SMAD4: variants seen among roughly 807,000 people sequenced by gnomAD.
SMAD4 encodes the protein MAD homolog 4.
SMAD4 carries 7 observed loss-of-function variants against 63.2 expected under a neutral mutation model. That is an observed-to-expected ratio of 0.11 (90% confidence interval 0.06 to 0.21). SMAD4 has a LOEUF of 0.21. SMAD4 is among the 10% of genes least tolerant of loss of function. The pLI is 1.00. For missense variants in SMAD4, 312 were observed against 693.8 expected, an observed-to-expected ratio of 0.45 and a Z score of 6.18; for synonymous variants, 215 against 235.4, an observed-to-expected ratio of 0.91 and a Z score of 0.79.
intron 5 of SMAD4, among the ~76,000 whole-genome samples, chr18:51,057,859 G>A (rs1172756370): frequency 1.3e-5 from 2 of 152,144 alleles, no homozygotes. Context: ...GTGTTTTGCT[G>A]GCATTTGAAA....
At chr18:51,047,610 C>CTT (rs752138841) in intron 2 of SMAD4, among the ~76,000 whole-genome samples, 7 of 143,682 alleles carry the variant, frequency 4.9e-5, no homozygotes, top group South Asian at 2.2e-4. Flanking sequence ...CTGTTGTTTT[C>CTT]TTTTTTTTTT....
chr18:51,068,556 A>G (rs1568209177), intron 10 of SMAD4, among the ~76,000 whole-genome samples: 1 of 152,230 alleles, frequency 6.6e-6, no homozygotes, highest in Non-Finnish European at 1.5e-5. Flanking sequence ...TGTTAGAACA[A>G]TAGAATAAAG....
Position 51,079,078 on chromosome 18 carries a change from A to G in SMAD4, c.*611A>G. On this transcript the variant is annotated 3_prime_UTR_variant, in exon 12 of 12. Coordinates refer to ENST00000342988, the MANE Select transcript of SMAD4 (RefSeq NM_005359.6). Reference sequence around the variant, plus strand: ...TCAATTCAGATTGTCTTGCAACTTCAGTTTTATTTTTGCCAAGGCAAAAAA... The same window carrying G: ...TCAATTCAGATTGTCTTGCAACTTCGGTTTTATTTTTGCCAAGGCAAAAAA... The G allele has an allele frequency of 4.3e-6, 1 of 233,156 alleles. No individual in the cohort carries two copies. The highest frequency in any genetic ancestry group is 8.5e-6 in the Non-Finnish European group (1 of 117,916). The allele number at this position is 233,156 out of a possible 1,614,324, so 14.4% of individuals were successfully genotyped here.
chr18:51,036,241 G>A (rs567998967), intron 1 of SMAD4, among the ~76,000 whole-genome samples: 2 of 152,076 alleles, frequency 1.3e-5, no homozygotes, highest in African/African-American at 4.8e-5. Flanking sequence ...GAATGCTACC[G>A]AATATATATT....
chr18:51,083,737 G>C lies in SMAD4; in HGVS notation c.*5270G>C, dbSNP rs560631263. 8.7e-6 allele frequency: 2 copies of C among 229,488 alleles called. No homozygotes were observed. The highest frequency in any genetic ancestry group is 1.2e-4 in the East Asian group (2 of 16,166). The allele number at this position is 229,488 out of a possible 1,614,324, so 14.2% of individuals were successfully genotyped here. On this transcript the variant is annotated 3_prime_UTR_variant, in exon 12 of 12. Transcript: ENST00000342988. The stretch of plus-strand genomic sequence containing the variant: ...GTTGCCTCATCTGTAAAATGAGGGA[G>C]TTGGAGTAGATTAATTATTCCAGCT...
intron 1 of SMAD4, among the ~76,000 whole-genome samples, chr18:51,034,530 C>T (rs1395958217): frequency 6.6e-6 from 1 of 152,144 alleles, no homozygotes; most frequent in Non-Finnish European, 1.5e-5. Context: ...GGATTATAGG[C>T]ATGAGCCACC....
At chr18:51,036,558 T>A (rs530753181) in intron 1 of SMAD4, among the ~76,000 whole-genome samples, 1 of 152,330 alleles carries the variant, frequency 6.6e-6, no homozygotes, top group Non-Finnish European at 1.5e-5. Flanking sequence ...GAAGGAAGAA[T>A]GTGTATAGAT....
intron 1 of SMAD4, among the ~76,000 whole-genome samples, chr18:51,046,093 G>A (rs776080945): frequency 1.3e-5 from 2 of 152,146 alleles, no homozygotes; most frequent in Middle Eastern, 3.2e-3. Flanking sequence ...ACAGGTTTGT[G>A]TGGACATGGG....
rs753677989 is a variant in SMAD4 at position 51,049,343 on chromosome 18, A to C, written c.454+19A>C. ...AGTAATGGTAGGTAATCTGTTTCTT[A>C]CTACTTTCTCTTTGTTTTGTCCTAT... On this transcript the variant is annotated intron_variant, in intron 4 of 11. Coordinates refer to ENST00000342988, the MANE Select transcript of SMAD4 (RefSeq NM_005359.6). 6.3e-7 allele frequency: 1 copy of C among 1,583,338 alleles called. No homozygotes were observed. Among genetic ancestry groups the C allele is most frequent in the South Asian group, 1.1e-5 (1 of 90,416 alleles).
At position 51,051,271 on chromosome 18, in the gene SMAD4, G is replaced by A. The variant is rs901763032; in HGVS notation, c.454+1947G>A. ...TGTACGGGTTGATAGCCTTTCTATA[G>A]TGACTGTAGGGCTGTATTCAGCCTT... On this transcript the variant is annotated intron_variant, in intron 4 of 11. Transcript: ENST00000342988. 6.4e-5 allele frequency: 27 copies of A among 421,698 alleles called. 1 individual carries two copies. In the Admixed American group the frequency reaches 6.7e-4, roughly 10 times the overall value. 26.1% of individuals were successfully genotyped at this position (421,698 alleles called of 1,614,324 possible).
At chr18:51,050,373 G>A (rs572983840) in intron 4 of SMAD4, among the ~76,000 whole-genome samples, 14 of 150,258 alleles carry the variant, frequency 9.3e-5, no homozygotes, top group Non-Finnish European at 4.5e-5. Context: ...AAAAAAGTGG[G>A]GGGAGGCTGG....
At chr18:51,031,704 C>G (rs1256086982) in intron 1 of SMAD4, among the ~76,000 whole-genome samples, 1 of 151,294 alleles carries the variant, frequency 6.6e-6, no homozygotes, top group Non-Finnish European at 1.5e-5. Flanking sequence ...GAAGTAGGTT[C>G]ACTCCTTTTT....
At chr18:51,071,696 T>C (rs1299789327) in intron 10 of SMAD4, among the ~76,000 whole-genome samples, 1 of 152,048 alleles carries the variant, frequency 6.6e-6, no homozygotes, top group Admixed American at 6.5e-5. Context: ...ATTCACAACA[T>C]TGTGCAGTCA....
intron 10 of SMAD4, among the ~76,000 whole-genome samples, chr18:51,068,071 CTCA>C (rs1366154495): frequency 2.6e-5 from 4 of 152,152 alleles, no homozygotes; most frequent in Non-Finnish European, 2.9e-5. Context: ...TTAACTGTGT[CTCA>C]TAACTTATTA....
At position 51,039,326 on chromosome 18, in the gene SMAD4, C is replaced by G. The variant is rs1599175594; in HGVS notation, c.-127-7594C>G. On this transcript the variant is annotated intron_variant, in intron 1 of 11. Transcript: ENST00000342988. ...TCAGACTTAAGTAAAAAGGGGAATT[C>G]ATTGGCTTGGTCTGGAGATAGAGCT... Among the ~76,000 whole-genome samples, 4 of 152,136 alleles carry G rather than the reference C, an allele frequency of 2.6e-5. No homozygotes were observed. The South Asian group carries it at 8.3e-4, about 31-fold the overall frequency.
At chr18:51,038,605 T>C (rs1909280884) in intron 1 of SMAD4, among the ~76,000 whole-genome samples, 1 of 152,166 alleles carries the variant, frequency 6.6e-6, no homozygotes, top group South Asian at 2.1e-4. Context: ...AAACAACATA[T>C]CATAGCAGAT....
intron 1 of SMAD4, among the ~76,000 whole-genome samples, chr18:51,040,355 C>G (rs915238796): frequency 3.3e-5 from 5 of 150,790 alleles, no homozygotes; most frequent in African/African-American, 1.2e-4. Flanking sequence ...ACCCAGGAGG[C>G]AGAAGTGGCA....
chr18:51,076,518 A>T, intron 10 of SMAD4, 120 bp from the exon 11 acceptor site: 1 of 841,948 alleles, frequency 1.2e-6, no homozygotes, highest in Non-Finnish European at 1.9e-6. Flanking sequence ...ACATGTTTTA[A>T]TTAATTCTTT....
chr18:51,060,838 T>A (rs1909991371), intron 8 of SMAD4, among the ~76,000 whole-genome samples: 1 of 152,134 alleles, frequency 6.6e-6, no homozygotes, highest in Admixed American at 6.5e-5. Context: ...CTCACCATGT[T>A]GCCCAGGCTG....
Sources: allele counts gnomAD v4.1 joint callset (sites outside exome capture counted in the v4.1 genomes callset), GRCh38; gene constraint gnomAD v4.1.1; transcripts MANE v1.5; gene names NCBI Gene and HGNC (gene_info 2026-07-23, HGNC 2026-07-21).